THSD7A: variants seen among roughly 807,000 people sequenced by gnomAD.
The protein encoded by THSD7A is thrombospondin type 1 domain containing 7A, also known as thrombospondin type-1 domain-containing protein 7A.
A neutral mutation model predicts 231.3 loss-of-function variants in THSD7A; 96 were observed. The ratio of observed to expected loss-of-function variants is 0.41; its 90% CI spans 0.35 to 0.49. The LOEUF is 0.49. THSD7A is among the 20% of genes least tolerant of loss of function. THSD7A has a pLI of 0.05. For missense variants in THSD7A, 2,290 were observed against 2,070.2 expected, an observed-to-expected ratio of 1.11 and a Z score of -2.06; for synonymous variants, 940 against 743.3, an observed-to-expected ratio of 1.26 and a Z score of -4.30.
At chr7:11,691,086 C>T (rs1780216214) in intron 1 of THSD7A, among the ~76,000 whole-genome samples, 1 of 151,432 alleles carries the variant, frequency 6.6e-6, no homozygotes, top group African/African-American at 2.4e-5. Flanking sequence ...GTTTTTGTAT[C>T]CTTTAAAACA....
intron 1 of THSD7A, among the ~76,000 whole-genome samples, chr7:11,806,765 G>A (rs1194013793): frequency 6.6e-6 from 1 of 152,138 alleles, no homozygotes; most frequent in Non-Finnish European, 1.5e-5. Flanking sequence ...GTGAGCCAAA[G>A]CTGGAGGAAA....
At chr7:11,807,932 A>T (rs1784438681) in intron 1 of THSD7A, among the ~76,000 whole-genome samples, 1 of 152,142 alleles carries the variant, frequency 6.6e-6, no homozygotes, top group Admixed American at 6.6e-5. Context: ...AAAATAAATG[A>T]CACCCAACAA....
chr7:11,407,808 A>G (rs572830657), intron 19 of THSD7A, among the ~76,000 whole-genome samples: 1 of 152,344 alleles, frequency 6.6e-6, no homozygotes, highest in African/African-American at 2.4e-5. Flanking sequence ...CTACAACTGT[A>G]TCTTAGGGAT....
At chr7:11,404,747 A>G (rs1385909390) in intron 22 of THSD7A, among the ~76,000 whole-genome samples, 2 of 152,090 alleles carry the variant, frequency 1.3e-5, no homozygotes, top group Non-Finnish European at 2.9e-5. Flanking sequence ...CTTTTACTTT[A>G]TTTTTAAATT....
At chr7:11,457,814 T>A (rs10231017) in intron 11 of THSD7A, among the ~76,000 whole-genome samples, 63,055 of 151,886 alleles carry the variant, frequency 0.42, 13,085 homozygotes, top group Middle Eastern at 0.51. Flanking sequence ...TATCTTGTAT[T>A]CTTTTATCCT....
At chr7:11,799,247 C>T (rs1317512555) in intron 1 of THSD7A, among the ~76,000 whole-genome samples, 1 of 152,074 alleles carries the variant, frequency 6.6e-6, no homozygotes, top group Non-Finnish European at 1.5e-5. Context: ...TTAAAATCAC[C>T]AAGAAAGAAT....
At chr7:11,409,867 T>TGAGTA (rs900727131) in intron 19 of THSD7A, among the ~76,000 whole-genome samples, 1 of 152,008 alleles carries the variant, frequency 6.6e-6, no homozygotes, top group African/African-American at 2.4e-5. Context: ...CTTAGCCTCC[T>TGAGTA]GAGTAGCTGG....
intron 2 of THSD7A, among the ~76,000 whole-genome samples, chr7:11,635,268 TC>T (rs747300819): frequency 2.0e-4 from 30 of 149,858 alleles, no homozygotes; most frequent in Middle Eastern, 6.8e-3. Context: ...TATATTTTTT[TC>T]AGTTCAATCC....
chr7:11,701,354 T>C (rs368563853), intron 1 of THSD7A, among the ~76,000 whole-genome samples: 1 of 151,180 alleles, frequency 6.6e-6, no homozygotes, highest in African/African-American at 2.4e-5. Flanking sequence ...GTGAAAACCA[T>C]TTGAAGACTG....
chr7:11,693,112 C>A (rs116075966), intron 1 of THSD7A, among the ~76,000 whole-genome samples: 2,062 of 151,578 alleles, frequency 0.014, 51 homozygotes, highest in African/African-American at 0.047. Context: ...AGAATATAAA[C>A]TTGTCCCTAA....
chr7:11,520,120 C>G (rs1443318739), intron 6 of THSD7A: 1 of 152,192 alleles, frequency 6.6e-6, no homozygotes, highest in East Asian at 1.9e-4. Context: ...ATCATCACAG[C>G]TGGAAACAAT....
intron 6 of THSD7A, among the ~76,000 whole-genome samples, chr7:11,508,916 A>C (rs1583873170): frequency 6.6e-6 from 1 of 152,222 alleles, no homozygotes; most frequent in South Asian, 2.1e-4. Context: ...CAAAGAGTAG[A>C]ATGGTAGTTG....
chr7:11,553,962 A>G (rs1789736661), intron 4 of THSD7A, among the ~76,000 whole-genome samples: 1 of 150,952 alleles, frequency 6.6e-6, no homozygotes, highest in Admixed American at 6.6e-5. Flanking sequence ...TATAAATTAT[A>G]TCTATAATTT....
rs17624598 is a variant in THSD7A at position 11,438,694 on chromosome 7, C to T, written c.3064+7367G>A. ...AGACAAATGAACATAATTAAAGTGG[C>T]CTACAAAAACTGTATGTTAGCTTTC... On this transcript the variant is annotated intron_variant, in intron 13 of 27. Coordinates refer to ENST00000423059, the MANE Select transcript of THSD7A (RefSeq NM_015204.3). 7.2e-3 allele frequency among the ~76,000 whole-genome samples: 1,095 copies of T among 152,026 alleles called. 4 individuals are homozygous for T. The highest frequency in any genetic ancestry group is 0.014 in the Middle Eastern group (4 of 292).
Position 11,446,032 on chromosome 7 carries a change from C to A in THSD7A, c.3064+29G>T. 2.5e-6 allele frequency: 4 copies of A among 1,611,846 alleles called. No individual in the cohort carries two copies. The highest frequency in any genetic ancestry group is 8.5e-7 in the Non-Finnish European group (1 of 1,178,442). ...TTTCCCTCCACACTCCCGAAGATAG[C>A]AAATATGTAACAATGAAGATTGAAT... On this transcript the variant is annotated intron_variant, in intron 13 of 27. Coordinates refer to ENST00000423059, the MANE Select transcript of THSD7A (RefSeq NM_015204.3). The surrounding 1 kb of genome is among the most constrained non-coding windows in gnomAD (Gnocchi z 4.0).
intron 9 of THSD7A, among the ~76,000 whole-genome samples, chr7:11,469,197 G>A (rs924883302): frequency 1.3e-5 from 2 of 152,120 alleles, no homozygotes; most frequent in Non-Finnish European, 2.9e-5. Flanking sequence ...TTGTAACACT[G>A]CAGGAAAATT....
In THSD7A at chr7:11,552,620, C is replaced by A. The variant is rs78759526; in HGVS notation, c.1454-9503G>T. Reference sequence around the variant, plus strand: ...GTTTCCATTTTAATGAAAAGCAGCCCCACATCATTTTCCTTTTTAACAAAG... The same window carrying A: ...GTTTCCATTTTAATGAAAAGCAGCCACACATCATTTTCCTTTTTAACAAAG... On this transcript the variant is annotated intron_variant, in intron 4 of 27. Transcript: ENST00000423059. 4.6e-5 allele frequency among the ~76,000 whole-genome samples: 7 copies of A among 151,928 alleles called. 1 individual carries two copies. In the South Asian group the frequency reaches 1.5e-3, roughly 31 times the overall value.
chr7:11,775,412 T>C (rs1291801324), intron 1 of THSD7A, among the ~76,000 whole-genome samples: 1 of 152,162 alleles, frequency 6.6e-6, no homozygotes, highest in Non-Finnish European at 1.5e-5. Flanking sequence ...AGCAACATTA[T>C]TCACAATAGT....
At chr7:11,420,101 C>G (rs1339463064) in intron 16 of THSD7A, among the ~76,000 whole-genome samples, 3 of 152,118 alleles carry the variant, frequency 2.0e-5, no homozygotes, top group Non-Finnish European at 2.9e-5. Flanking sequence ...GCAGCCCCAC[C>G]ACGTGGTAGA....
Sources: gnomAD v4.1 joint callset for allele counts (sites outside exome capture counted in the v4.1 genomes callset) on GRCh38, gnomAD v4.1.1 for gene constraint, Gnocchi (gnomAD v3.1) non-coding constraint, MANE v1.5 for transcripts, NCBI Gene and HGNC (gene_info 2026-07-23, HGNC 2026-07-21) for gene names.